The following MAF variants were observed in gnomAD, a reference collection of about 807,000 sequenced individuals.
MAF encodes MAF bZIP transcription factor.
MAF carries 10 observed loss-of-function variants against 22.0 expected under a neutral mutation model. That is an observed-to-expected ratio of 0.45 (90% confidence interval 0.28 to 0.77). MAF has a LOEUF of 0.77. MAF is among the 30% of genes least tolerant of loss of function. MAF has a pLI of 0.12. For synonymous variants in MAF, 337 were observed against 255.8 expected, an observed-to-expected ratio of 1.32 and a Z score of -3.03; for missense variants, 544 against 548.4, an observed-to-expected ratio of 0.99 and a Z score of 0.08.
the MAF span, among the ~76,000 whole-genome samples, chr16:79,577,533 G>A: frequency 6.6e-6 from 1 of 152,154 alleles, no homozygotes; most frequent in Admixed American, 6.5e-5. Context: ...GACACTCGGT[G>A]CATGGTAGCT....
chr16:79,289,396 G>A, the MAF span, among the ~76,000 whole-genome samples: 53 of 152,292 alleles, frequency 3.5e-4, no homozygotes, highest in East Asian at 9.1e-3. Flanking sequence ...GGAGAAGATG[G>A]AATTGTGAAG....
intron 1 of MAF, chr16:79,598,264 TA>T (rs35383470): frequency 2.9e-3 from 2,662 of 916,298 alleles, no homozygotes; most frequent in Admixed American, 4.5e-3. Flanking sequence ...AAAGTAAAAT[TA>T]AAAAAAAAAA....
At chr16:79,398,635 ATG>A in the MAF span, among the ~76,000 whole-genome samples, 32 of 151,434 alleles carry the variant, frequency 2.1e-4, no homozygotes, top group Non-Finnish European at 2.1e-4. Context: ...GTCTATCTGT[ATG>A]TGTGTGTGTG....
the MAF span, among the ~76,000 whole-genome samples, chr16:79,446,514 T>A: frequency 3.3e-5 from 5 of 152,306 alleles, no homozygotes; most frequent in African/African-American, 1.2e-4. Flanking sequence ...CTTATAGTGT[T>A]ATGATCACTA....
chr16:79,383,191 G>A, the MAF span, among the ~76,000 whole-genome samples: 3 of 151,452 alleles, frequency 2.0e-5, no homozygotes, highest in East Asian at 2.0e-4. Context: ...ACTGGAAGGG[G>A]TACTTAAACT....
the MAF span, among the ~76,000 whole-genome samples, chr16:79,453,286 C>T: frequency 1.3e-5 from 2 of 152,282 alleles, no homozygotes; most frequent in African/African-American, 4.8e-5. Flanking sequence ...ATCATATTCA[C>T]CATGCTTCCT....
chr16:79,489,799 G>A, the MAF span, among the ~76,000 whole-genome samples: 1 of 152,190 alleles, frequency 6.6e-6, no homozygotes, highest in Non-Finnish European at 1.5e-5. Flanking sequence ...GGAGACAGAG[G>A]GCCAGGTGGA....
chr16:79,515,427 C>T, the MAF span, among the ~76,000 whole-genome samples: 1 of 152,178 alleles, frequency 6.6e-6, no homozygotes, highest in South Asian at 2.1e-4. Context: ...GTACAGTAGT[C>T]AATGAATTTC....
the MAF span, among the ~76,000 whole-genome samples, chr16:79,412,586 C>T: frequency 6.6e-6 from 1 of 152,190 alleles, no homozygotes; most frequent in South Asian, 2.1e-4. Flanking sequence ...ACCCTTTTGG[C>T]CACAGCACCT....
At chr16:79,356,332 C>T in the MAF span, among the ~76,000 whole-genome samples, 1 of 152,198 alleles carries the variant, frequency 6.6e-6, no homozygotes, top group Non-Finnish European at 1.5e-5. Context: ...AGGAAATTCA[C>T]AGGCCACATC....
chr16:79,468,403 T>C, the MAF span, among the ~76,000 whole-genome samples: 1 of 152,218 alleles, frequency 6.6e-6, no homozygotes, highest in Non-Finnish European at 1.5e-5. Context: ...GGATTAGCAC[T>C]TGGGGTGTCC....
chr16:79,300,792 G>T, the MAF span, among the ~76,000 whole-genome samples: 1 of 151,460 alleles, frequency 6.6e-6, no homozygotes, highest in African/African-American at 2.4e-5. Context: ...TAAGAGCAAT[G>T]ATTTGTGTTC....
At chr16:79,462,812 G>A in the MAF span, among the ~76,000 whole-genome samples, 1 of 152,224 alleles carries the variant, frequency 6.6e-6, no homozygotes, top group African/African-American at 2.4e-5. Context: ...TGCTAGGGAT[G>A]TCAAAGTAAA....
chr16:79,539,974 A>AT, the MAF span, among the ~76,000 whole-genome samples: 37 of 152,236 alleles, frequency 2.4e-4, 1 homozygote, highest in South Asian at 1.0e-3. Flanking sequence ...GTAACAAAAA[A>AT]ATATATATAT....
chr16:79,371,130 T>C, the MAF span, among the ~76,000 whole-genome samples: 1 of 44,454 alleles, frequency 2.2e-5, no homozygotes, highest in East Asian at 3.4e-4. Context: ...TTCATTCACA[T>C]TTTTTTTTTT....
the MAF span, among the ~76,000 whole-genome samples, chr16:79,395,473 G>C: frequency 6.6e-6 from 1 of 152,174 alleles, no homozygotes; most frequent in Non-Finnish European, 1.5e-5. Flanking sequence ...GATCATAATG[G>C]AGGAGGGTGG....
chr16:79,577,800 T>C, the MAF span, among the ~76,000 whole-genome samples: 2 of 152,252 alleles, frequency 1.3e-5, no homozygotes, highest in Non-Finnish European at 2.9e-5. Flanking sequence ...TTAAATATTA[T>C]GGTGCAATGC....
chr16:79,394,368 G>A, the MAF span, among the ~76,000 whole-genome samples: 4 of 152,086 alleles, frequency 2.6e-5, no homozygotes, highest in African/African-American at 9.7e-5. Flanking sequence ...TTTCTGCCGG[G>A]AGGCTCTCCC....
chr16:79,405,349 A>C, the MAF span, among the ~76,000 whole-genome samples: 1 of 152,208 alleles, frequency 6.6e-6, no homozygotes, highest in African/African-American at 2.4e-5. Context: ...TGAGCCTCAC[A>C]GAAACAAAGT....
Sources: allele counts gnomAD v4.1 joint callset (sites outside exome capture counted in the v4.1 genomes callset), GRCh38; gene constraint gnomAD v4.1.1; transcripts MANE v1.5; gene names NCBI Gene and HGNC (gene_info 2026-07-23, HGNC 2026-07-21).